SHTN1: variants seen among roughly 807,000 people sequenced by gnomAD.
SHTN1 encodes shootin-1.
SHTN1 carries 42 observed loss-of-function variants against 83.1 expected under a neutral mutation model. That is an observed-to-expected ratio of 0.51 (90% CI 0.39 to 0.65). SHTN1 has a LOEUF of 0.65. SHTN1 is among the 30% of genes least tolerant of loss of function. The probability of loss-of-function intolerance (pLI) is 0.00; values close to 1 mark genes in which losing one functional copy is unlikely to be tolerated. For synonymous variants in SHTN1, 224 were observed against 247.7 expected (o/e 0.90, Z 0.90); for missense variants, 622 against 737.8 (o/e 0.84, Z 1.82).
chr10:117,003,777 A>G (rs1851905516), intron 1 of SHTN1, among the ~76,000 whole-genome samples: 1 of 152,268 alleles, frequency 6.6e-6, no homozygotes, highest in Non-Finnish European at 1.5e-5. Flanking sequence ...GCCACAGAGC[A>G]GGGATCCTTC....
rs372890864 is a variant in SHTN1, at chr10:117,018,365, G to A, written c.-123+30080C>T. Among the ~76,000 whole-genome samples, 261 of 149,374 alleles carry A rather than the reference G, an allele frequency of 1.7e-3. 2 individuals carry two copies. The South Asian group carries it at 0.023, about 13-fold the overall frequency. On this transcript the variant is annotated intron_variant, in intron 2 of 17. Transcript: ENST00000392901. Reference sequence around the variant, plus strand: ...TCTACCATATTAACATAGTAAAAATGAAAACCTGTAATATCATCTCAATAG... The same window carrying A: ...TCTACCATATTAACATAGTAAAAATAAAAACCTGTAATATCATCTCAATAG...
chr10:117,078,823 T>C (rs928587834), intron 1 of SHTN1, among the ~76,000 whole-genome samples: 1 of 152,132 alleles, frequency 6.6e-6, no homozygotes, highest in Non-Finnish European at 1.5e-5. Context: ...TTCCTCCCTG[T>C]GTGACTTTTG....
intron 1 of SHTN1, chr10:117,126,188 G>C (rs940846237): frequency 6.5e-6 from 1 of 152,986 alleles, no homozygotes; most frequent in African/African-American, 2.4e-5. Flanking sequence ...CTTAAGGGCC[G>C]GACCCAGGAA....
chr10:117,003,370 G>T (rs1851888794), intron 1 of SHTN1, among the ~76,000 whole-genome samples: 1 of 147,328 alleles, frequency 6.8e-6, no homozygotes, highest in African/African-American at 2.5e-5. Flanking sequence ...GGCTAATCTA[G>T]GATGCCAGGT....
chr10:116,917,065 G>A (rs1297870752), intron 12 of SHTN1, among the ~76,000 whole-genome samples: 1 of 152,172 alleles, frequency 6.6e-6, no homozygotes, highest in Non-Finnish European at 1.5e-5. Context: ...ATTTTCTTGG[G>A]CAGCTTCTTC....
At chr10:117,050,814 G>C (rs1022017427) in intron 1 of SHTN1, among the ~76,000 whole-genome samples, 2 of 152,190 alleles carry the variant, frequency 1.3e-5, no homozygotes, top group Non-Finnish European at 2.9e-5. Context: ...AACACTTTGG[G>C]AGGCCAAGGC....
intron 2 of SHTN1, among the ~76,000 whole-genome samples, chr10:117,039,787 A>G (rs1852556507): frequency 6.6e-6 from 1 of 151,054 alleles, no homozygotes; most frequent in African/African-American, 2.4e-5. Context: ...CAGGAGGCAG[A>G]GCTTGCAGTG....
At position 116,972,725 on chromosome 10, in the gene SHTN1, T is replaced by TA. The variant is rs1850660863; in HGVS notation, c.112-4014dup. 2.6e-5 allele frequency among the ~76,000 whole-genome samples: 4 copies of TA among 152,366 alleles called. No individual in the cohort carries two copies. The South Asian group carries it at 8.3e-4, about 32-fold the overall frequency. ...CAATAGCAACAGATGTTCTTGGGCC[T>TA]ACATCACTTAATTATGATGCCCAAC... On this transcript the variant is annotated intron_variant, in intron 2 of 16. Transcript: ENST00000355371.
intron 9 of SHTN1, among the ~76,000 whole-genome samples, chr10:116,938,836 G>A (rs1313577074): frequency 6.6e-6 from 1 of 152,244 alleles, no homozygotes; most frequent in East Asian, 1.9e-4. Flanking sequence ...GACTGGGGCT[G>A]CTGCCTCTCT....
intron 1 of SHTN1, among the ~76,000 whole-genome samples, chr10:117,067,262 T>C (rs1853015478): frequency 6.6e-6 from 1 of 151,414 alleles, no homozygotes; most frequent in Non-Finnish European, 1.5e-5. Context: ...CACTGAAGAG[T>C]TTTAAGGAGG....
At chr10:117,091,804 T>G (rs762945690) in intron 1 of SHTN1, among the ~76,000 whole-genome samples, 7 of 152,210 alleles carry the variant, frequency 4.6e-5, no homozygotes, top group Non-Finnish European at 8.8e-5. Context: ...TGAGTGTCCT[T>G]TCCAGGAAGG....
intron 2 of SHTN1, among the ~76,000 whole-genome samples, chr10:117,015,915 T>TC (rs1350832271): frequency 1.3e-5 from 2 of 152,238 alleles, no homozygotes; most frequent in Non-Finnish European, 2.9e-5. Flanking sequence ...CAATGTGGAT[T>TC]CCTTTATGCT....
chr10:116,985,079 G>A lies in SHTN1; in HGVS notation c.59-5771C>T, dbSNP rs1192619247. Among the ~76,000 whole-genome samples the A allele has an allele frequency of 3.3e-5, 5 of 152,280 alleles. No homozygotes were observed. The East Asian group carries it at 9.6e-4, about 29-fold the overall frequency. Reference sequence around the variant, plus strand: ...AGGTTTATCTTAATATACCATCAGAGTACACTGTTCATACAGCTCTATTGG... The same window carrying A: ...AGGTTTATCTTAATATACCATCAGAATACACTGTTCATACAGCTCTATTGG... On this transcript the variant is annotated intron_variant, in intron 1 of 16. Transcript: ENST00000355371.
intron 3 of SHTN1, 113 bp downstream of exon 3, chr10:116,968,539 G>T: frequency 1.5e-6 from 1 of 685,456 alleles, no homozygotes; most frequent in Non-Finnish European, 2.4e-6. Flanking sequence ...AAGAAGTCTT[G>T]CTTTCTTGAT....
At chr10:116,996,992 C>A (rs1851648388) in intron 1 of SHTN1, among the ~76,000 whole-genome samples, 1 of 152,170 alleles carries the variant, frequency 6.6e-6, no homozygotes, top group South Asian at 2.1e-4. Flanking sequence ...ATATGAAAGA[C>A]CTTCGAGCTA....
At chr10:117,074,027 T>TG (rs1399170711) in intron 1 of SHTN1, among the ~76,000 whole-genome samples, 2 of 152,192 alleles carry the variant, frequency 1.3e-5, no homozygotes, top group African/African-American at 4.8e-5. Flanking sequence ...TGTAATGGAA[T>TG]GGGGAGTAAA....
At chr10:117,019,315 A>G (rs1447374816) in intron 2 of SHTN1, among the ~76,000 whole-genome samples, 2 of 151,844 alleles carry the variant, frequency 1.3e-5, no homozygotes, top group African/African-American at 4.8e-5. Flanking sequence ...TCCAGAGTAG[A>G]TGAGACCACA....
chr10:116,918,290 AT>A (rs1389022613), intron 12 of SHTN1, among the ~76,000 whole-genome samples: 1 of 152,114 alleles, frequency 6.6e-6, no homozygotes, highest in Non-Finnish European at 1.5e-5. Flanking sequence ...TGGGGCTTAA[AT>A]TTTAAGACCC....
At chr10:116,895,971 C>T (rs538741698) in intron 16 of SHTN1, among the ~76,000 whole-genome samples, 1 of 152,130 alleles carries the variant, frequency 6.6e-6, no homozygotes, top group African/African-American at 2.4e-5. Context: ...ATTCCAAAAC[C>T]CTCAATCCCC....
Sources: gnomAD v4.1 joint callset for allele counts (sites outside exome capture counted in the v4.1 genomes callset) on GRCh38, gnomAD v4.1.1 for gene constraint, MANE v1.5 for transcripts, NCBI Gene and HGNC (gene_info 2026-07-23, HGNC 2026-07-21) for gene names.